The following SENP2 variants were observed in gnomAD, a reference collection of about 807,000 sequenced individuals.
The protein encoded by SENP2 is sentrin-specific protease 2.
SENP2 carries 16 observed loss-of-function variants against 86.3 expected under a neutral mutation model. The observed-to-expected ratio is 0.19, with a 90% CI of 0.13 to 0.28. SENP2 has a LOEUF of 0.28. Among genes scored for constraint, SENP2 ranks in the 10% least tolerant of loss-of-function variants. The pLI, the probability that SENP2 is intolerant of heterozygous loss-of-function variation, is 1.00. For synonymous variants in SENP2, 222 were observed against 238.7 expected, an observed-to-expected ratio of 0.93 and a Z score of 0.64; for missense variants, 552 against 703.0, an observed-to-expected ratio of 0.79 and a Z score of 2.43.
intron 14 of SENP2, among the ~76,000 whole-genome samples, chr3:185,623,064 G>A (rs986646291): frequency 2.3e-4 from 35 of 152,048 alleles, no homozygotes; most frequent in East Asian, 2.1e-3. Context: ...TGATCCGCCC[G>A]CCCCAGCCTC....
chr3:185,600,997 T>G (rs1722324876), intron 5 of SENP2, 142 bp downstream of exon 5: 1 of 594,952 alleles, frequency 1.7e-6, no homozygotes, highest in African/African-American at 1.9e-5. Context: ...ATGCAGCCAG[T>G]GAGAGACTTG....
At position 185,591,195 on chromosome 3, in the gene SENP2, G is replaced by A. The variant is rs899588278; in HGVS notation, c.157+1026G>A. On this transcript the variant is annotated intron_variant, in intron 2 of 16. Coordinates refer to ENST00000296257, the MANE Select transcript of SENP2 (RefSeq NM_021627.3). ...GCTGGGGTTACAGGCGTGAGCCACC[G>A]CACCCAACCCAAGAAAGTCTCTTTC... 2.6e-5 allele frequency among the ~76,000 whole-genome samples: 4 copies of A among 151,136 alleles called. 1 individual carries two copies. The highest frequency in any genetic ancestry group is 3.0e-5 in the Non-Finnish European group (2 of 67,760).
intron 16 of SENP2, among the ~76,000 whole-genome samples, chr3:185,628,922 G>A (rs1712281716): frequency 1.3e-5 from 2 of 152,296 alleles, no homozygotes; most frequent in Middle Eastern, 6.8e-3. Context: ...AGTTAAAGCA[G>A]AATCATTTAT....
chr3:185,605,167 T>C (rs532380376), intron 5 of SENP2, among the ~76,000 whole-genome samples: 128 of 150,356 alleles, frequency 8.5e-4, no homozygotes, highest in Non-Finnish European at 1.3e-3. Flanking sequence ...GTCAGGAGTT[T>C]GAGACCAGCC....
At position 185,630,079 on chromosome 3, in the gene SENP2, A is replaced by C. The variant is rs1712345634; in HGVS notation, c.*235A>C. ...CTCAGAGCTTTGGACTGTTCAACCCACACAAGAACAAACGCTAACTAATAT... is the reference window on the plus strand; with the variant it reads ...CTCAGAGCTTTGGACTGTTCAACCCCCACAAGAACAAACGCTAACTAATAT... On this transcript the variant is annotated 3_prime_UTR_variant, in exon 17 of 17. Coordinates refer to ENST00000296257, the MANE Select transcript of SENP2 (RefSeq NM_021627.3). The C allele has an allele frequency of 1.2e-5, 5 of 427,398 alleles. No individual in the cohort carries two copies. The highest frequency in any genetic ancestry group is 2.1e-5 in the Non-Finnish European group (5 of 235,042). 26.5% of individuals were successfully genotyped at this position (427,398 alleles called of 1,614,324 possible).
intron 13 of SENP2, among the ~76,000 whole-genome samples, chr3:185,620,007 T>C (rs1018076573): frequency 6.6e-6 from 1 of 151,874 alleles, no homozygotes; most frequent in Non-Finnish European, 1.5e-5. Flanking sequence ...GTGTTGGTAT[T>C]ACAGGTGTGA....
chr3:185,592,555 G>A (rs527560359), intron 2 of SENP2, among the ~76,000 whole-genome samples: 18 of 151,828 alleles, frequency 1.2e-4, no homozygotes, highest in African/African-American at 4.1e-4. Context: ...TATTGAGCAT[G>A]TCTCAGTGCT....
rs550817252 is a variant in SENP2 at position 185,613,900 on chromosome 3, A to C, written c.933+492A>C. Reference sequence around the variant, plus strand: ...TTTTTTCTTCCTTCTGAGTTGTTGGAGTTTTGCCTCTGTACAGTAGCCACC... The same window carrying C: ...TTTTTTCTTCCTTCTGAGTTGTTGGCGTTTTGCCTCTGTACAGTAGCCACC... On this transcript the variant is annotated intron_variant, in intron 10 of 16. Transcript: ENST00000296257. Among the ~76,000 whole-genome samples the C allele has an allele frequency of 5.4e-5, 8 of 149,328 alleles. No individual in the cohort carries two copies. The South Asian group carries it at 1.5e-3, about 28-fold the overall frequency.
Position 185,587,570 on chromosome 3 carries a change from A to ATTTTTTTTTTTTTTTTTTTTTT in SENP2, c.101+1070_101+1071insTTTTTTTTTTTTTTTTTTTTTT, listed in dbSNP as rs398052522. On this transcript the variant is annotated intron_variant, in intron 1 of 16. Transcript: ENST00000296257. ...CTTCAACTTTAGTGATCAAGTGTTA[A>ATTTTTTTTTTTTTTTTTTTTTT]TTTTTTTTTTTTTTGAGAAGGAGTC... Among the ~76,000 whole-genome samples the ATTTTTTTTTTTTTTTTTTTTTT allele has an allele frequency of 6.3e-3, 746 of 118,636 alleles. 94 individuals are homozygous for ATTTTTTTTTTTTTTTTTTTTTT. The highest frequency in any genetic ancestry group is 0.03 in the South Asian group (87 of 2,914). The allele number at this position is 118,636 out of a possible 152,430, so 77.8% of individuals were successfully genotyped here. A position where few individuals can be genotyped will look rare whatever the true frequency, so the allele number is the denominator to read the frequency against.
chr3:185,588,050 ATTTTTTTTTT>A (rs1196425963), intron 1 of SENP2, among the ~76,000 whole-genome samples: 5 of 64,790 alleles, frequency 7.7e-5, no homozygotes, highest in Non-Finnish European at 1.3e-4. Context: ...CTACCGGCTA[ATTTTTTTTTT>A]TTTTTTTTTT....
rs533317313 is a variant in SENP2, at chr3:185,618,259, G to T, written c.1242+648G>T. Among the ~76,000 whole-genome samples, 26 of 152,204 alleles carry T rather than the reference G, an allele frequency of 1.7e-4. No homozygotes were observed. The South Asian group carries it at 2.1e-3, about 12-fold the overall frequency. On this transcript the variant is annotated intron_variant, in intron 12 of 16. Transcript: ENST00000296257. ...GTGCCTGGCCTGTTTTATTTTTTGA[G>T]TAATAAAGGGATATATTGATCACTA...
Position 185,598,966 on chromosome 3 carries a change from G to A in SENP2, c.300G>A (p.Ser100=), listed in dbSNP as rs758137366. The A allele has an allele frequency of 6.8e-6, 11 of 1,611,702 alleles. No homozygotes were observed. The highest frequency in any genetic ancestry group is 2.2e-5 in the South Asian group (2 of 90,602). ...TTCTGTTTGATTTTAAGGTATTTTC[G>A]AACTCTTCATCTTGTGAACTGACAG... The part of the protein sequence containing the change: ...RNVAPSGEVF[S]NSSSCELTGS... The change falls in exon 4 of 17, where the codon TCG becomes TCA. Residue 100 remains serine (S), a synonymous_variant. Coordinates refer to ENST00000296257, the MANE Select transcript of SENP2 (RefSeq NM_021627.3).
At chr3:185,591,496 C>G (rs894502871) in intron 2 of SENP2, among the ~76,000 whole-genome samples, 2 of 151,570 alleles carry the variant, frequency 1.3e-5, no homozygotes, top group South Asian at 4.2e-4. Context: ...GGACTACAGG[C>G]GCCCGCCATC....
chr3:185,620,742 C>T (rs541240013), intron 13 of SENP2, among the ~76,000 whole-genome samples: 4 of 152,022 alleles, frequency 2.6e-5, no homozygotes, highest in South Asian at 4.2e-4. Context: ...CGCACCTGGC[C>T]GAGGAGCTTT....
At chr3:185,587,148 G>T (rs1202573313) in intron 1 of SENP2, among the ~76,000 whole-genome samples, 1 of 152,032 alleles carries the variant, frequency 6.6e-6, no homozygotes, top group Non-Finnish European at 1.5e-5. Context: ...TTTTCTTTTG[G>T]TTGAGACGGA....
Position 185,632,280 on chromosome 3 carries a change from G to A in SENP2, c.*2436G>A, listed in dbSNP as rs1712519622. 1 of 139,870 alleles carries A rather than the reference G, an allele frequency of 7.1e-6. No homozygotes were observed. Among genetic ancestry groups the A allele is most frequent in the South Asian group, 2.3e-4 (1 of 4,380 alleles). The allele number at this position is 139,870 out of a possible 1,614,324, so 8.7% of individuals were successfully genotyped here. On this transcript the variant is annotated 3_prime_UTR_variant, in exon 17 of 17. Transcript: ENST00000296257. ...TGCGACAGAGTCTCTTGTCGCCCAGGCTGGAGTACAATGGTGTGATCTCAG... is the reference window on the plus strand; with the variant it reads ...TGCGACAGAGTCTCTTGTCGCCCAGACTGGAGTACAATGGTGTGATCTCAG...
chr3:185,607,402 C>T (rs1183297952), intron 6 of SENP2, among the ~76,000 whole-genome samples: 1 of 138,574 alleles, frequency 7.2e-6, no homozygotes, highest in Non-Finnish European at 1.5e-5. Flanking sequence ...GATCTTGGCT[C>T]ACTGCAGCCT....
chr3:185,602,576 G>A (rs1722378928), intron 5 of SENP2, among the ~76,000 whole-genome samples: 1 of 152,064 alleles, frequency 6.6e-6, no homozygotes, highest in Non-Finnish European at 1.5e-5. Flanking sequence ...AACTGTCATG[G>A]TAATAACTGA....
intron 2 of SENP2, among the ~76,000 whole-genome samples, chr3:185,593,356 C>T (rs1419819367): frequency 6.6e-6 from 1 of 152,118 alleles, no homozygotes; most frequent in Non-Finnish European, 1.5e-5. Context: ...TTAAGTGATC[C>T]TCTCACCTTG....
Sources: allele counts gnomAD v4.1 joint callset (sites outside exome capture counted in the v4.1 genomes callset), GRCh38; gene constraint gnomAD v4.1.1; transcripts MANE v1.5; gene names NCBI Gene and HGNC (gene_info 2026-07-23, HGNC 2026-07-21).